CRTC1: variants seen among roughly 807,000 people sequenced by gnomAD.
The protein encoded by CRTC1 is CREB regulated transcription coactivator 1.
CRTC1 carries 18 observed loss-of-function variants against 66.1 expected under a neutral mutation model. The observed-to-expected ratio is 0.27, with a 90% CI of 0.19 to 0.40. The LOEUF (loss-of-function observed/expected upper bound fraction) is 0.40, where lower values mean the gene tolerates loss of function less well. Among genes scored for constraint, CRTC1 ranks in the 10% least tolerant of loss-of-function variants. CRTC1 has a pLI of 1.00. For missense variants in CRTC1, 669 were observed against 887.9 expected (o/e 0.75, Z 3.13); for synonymous variants, 416 against 398.8 (o/e 1.04, Z -0.51).
chr19:18,718,425 C>G (rs762925578), intron 1 of CRTC1, among the ~76,000 whole-genome samples: 2 of 152,142 alleles, frequency 1.3e-5, no homozygotes, highest in Non-Finnish European at 2.9e-5. Flanking sequence ...CAGCCTCCAC[C>G]TCTTGGGCTC....
chr19:18,749,307 C>T (rs1027358834), intron 4 of CRTC1, among the ~76,000 whole-genome samples: 4 of 152,184 alleles, frequency 2.6e-5, no homozygotes, highest in African/African-American at 9.7e-5. Flanking sequence ...CACTGAGCAT[C>T]CTAGAGGGCA....
At chr19:18,688,265 C>CA (rs1429754786) in intron 1 of CRTC1, among the ~76,000 whole-genome samples, 2 of 152,120 alleles carry the variant, frequency 1.3e-5, no homozygotes, top group African/African-American at 4.8e-5. Context: ...CCCCAGAGAG[C>CA]AGGGAAGAGC....
At chr19:18,732,525 C>G (rs570616969) in intron 1 of CRTC1, among the ~76,000 whole-genome samples, 1 of 152,362 alleles carries the variant, frequency 6.6e-6, no homozygotes, top group East Asian at 1.9e-4. Flanking sequence ...GGTATTTTAT[C>G]ATGGCAGCCT....
intron 6 of CRTC1, among the ~76,000 whole-genome samples, chr19:18,754,533 G>T (rs1256088210): frequency 6.6e-6 from 1 of 152,168 alleles, no homozygotes; most frequent in African/African-American, 2.4e-5. Context: ...AAAAATATTT[G>T]CTCCAATAAT....
In CRTC1 at chr19:18,725,924, T is replaced by C. The variant is rs187386900; in HGVS notation, c.127-16986T>C. Among the ~76,000 whole-genome samples, 714 of 152,288 alleles carry C rather than the reference T, an allele frequency of 4.7e-3. 5 individuals carry two copies. Among genetic ancestry groups the C allele is most frequent in the African/African-American group, 0.016 (672 of 41,562 alleles). ...CTGCTGCCCAGATCCCCTGGGGACA[T>C]CCCAGGGACGGGGGCCACCCAGCCT... On this transcript the variant is annotated intron_variant, in intron 1 of 13. Coordinates refer to ENST00000321949, the MANE Select transcript of CRTC1 (RefSeq NM_015321.3).
chr19:18,718,560 C>G (rs989350844), intron 1 of CRTC1, among the ~76,000 whole-genome samples: 2 of 150,116 alleles, frequency 1.3e-5, no homozygotes, highest in African/African-American at 4.9e-5. Context: ...CCAGGCTGCT[C>G]TCAAACTCCT....
chr19:18,771,281 G>T lies in CRTC1; in HGVS notation c.1321-161G>T, dbSNP rs1026897511. ...TCAGGTACCCACCTTTCCTGCAGGT[G>T]TCCAGGCTCCTCTGCCTACCAGTGG... On this transcript the variant is annotated intron_variant, in intron 10 of 13. Coordinates refer to ENST00000321949, the MANE Select transcript of CRTC1 (RefSeq NM_015321.3). The surrounding 1 kb of genome is among the most constrained non-coding windows in gnomAD (Gnocchi z 4.6). Among the ~76,000 whole-genome samples the T allele has an allele frequency of 2.0e-5, 3 of 152,108 alleles. No individual in the cohort carries two copies. The highest frequency in any genetic ancestry group is 1.3e-4 in the Admixed American group (2 of 15,272).
rs145806497 is a variant in CRTC1 at position 18,739,150 on chromosome 19, C to T, written c.127-3760C>T. 8.5e-4 allele frequency among the ~76,000 whole-genome samples: 130 copies of T among 152,362 alleles called. 1 individual carries two copies. Among genetic ancestry groups the T allele is most frequent in the African/African-American group, 2.8e-3 (117 of 41,584 alleles). On this transcript the variant is annotated intron_variant, in intron 1 of 13. Coordinates refer to ENST00000321949, the MANE Select transcript of CRTC1 (RefSeq NM_015321.3). ...GAGCTGCAGTTTTCCCGACTCCTACCGGACGCCTTCTCCAGGCCTCAGCTG... is the reference window on the plus strand; with the variant it reads ...GAGCTGCAGTTTTCCCGACTCCTACTGGACGCCTTCTCCAGGCCTCAGCTG...
intron 1 of CRTC1, among the ~76,000 whole-genome samples, chr19:18,733,306 A>G (rs1489289435): frequency 6.6e-6 from 1 of 151,944 alleles, no homozygotes; most frequent in East Asian, 1.9e-4. Context: ...GTGGGGAGGG[A>G]GGCCCCTGTG....
In CRTC1 at chr19:18,777,792, CTGTT is replaced by C. The variant is rs769040683; in HGVS notation, c.*414_*417del. The C allele has an allele frequency of 9.6e-5, 30 of 312,168 alleles. No individual in the cohort carries two copies. Among genetic ancestry groups the C allele is most frequent in the Admixed American group, 1.6e-4 (3 of 18,532 alleles). The allele number at this position is 312,168 out of a possible 1,614,324, so 19.3% of individuals were successfully genotyped here. A position where few individuals can be genotyped will look rare whatever the true frequency, so the allele number is the denominator to read the frequency against. On this transcript the variant is annotated 3_prime_UTR_variant, in exon 14 of 14. Transcript: ENST00000321949. This position sits in a 1 kb window ranked among gnomAD's most constrained non-coding sequence, Gnocchi z 5.5. Reference sequence around the variant, plus strand: ...CTGTGGGCCGTGGCGCATTTTCCGACTGTTTGTCCAGCTCTCACTGCCTTCCTTG... The same window carrying C: ...CTGTGGGCCGTGGCGCATTTTCCGACTGTCCAGCTCTCACTGCCTTCCTTG...
At chr19:18,755,709 T>A (rs994577632) in intron 6 of CRTC1, among the ~76,000 whole-genome samples, 3 of 151,386 alleles carry the variant, frequency 2.0e-5, no homozygotes, top group African/African-American at 7.3e-5. Context: ...TTCAAGTGAT[T>A]CTTCTGCCTC....
In CRTC1 at chr19:18,781,877, G is replaced by A. The variant is rs556626479; in HGVS notation, c.*4495G>A. On this transcript the variant is annotated 3_prime_UTR_variant, in exon 14 of 14. Transcript: ENST00000321949. ...GGGGTCGGGGGATGGCCCCCATCTC[G>A]AAGTGTTCTGGAATTTGGGGGCAAC... 8 of 230,526 alleles carry A rather than the reference G, an allele frequency of 3.5e-5. No homozygotes were observed. Among genetic ancestry groups the A allele is most frequent in the Non-Finnish European group, 6.0e-5 (7 of 116,408 alleles). The allele number at this position is 230,526 out of a possible 1,614,324, so 14.3% of individuals were successfully genotyped here.
chr19:18,754,527 AT>A (rs1555785765), intron 6 of CRTC1, among the ~76,000 whole-genome samples: 1 of 152,206 alleles, frequency 6.6e-6, no homozygotes, highest in Non-Finnish European at 1.5e-5. Context: ...GGAAAAAAAA[AT>A]ATTTGCTCCA....
At position 18,760,202 on chromosome 19, in the gene CRTC1, A is replaced by G. The variant is rs1471566700; in HGVS notation, c.860A>G (p.His287Arg). The change falls in exon 8 of 14, where the codon CAC becomes CGC. Residue 287 changes from histidine to arginine, a missense_variant. His to Arg is a conservative substitution (Grantham distance 29, BLOSUM62 0). Around this residue, in one of 8 missense-constraint regions of CRTC1, gnomAD observed 241 missense variants for 242.2 expected, o/e 0.99. Coordinates refer to ENST00000321949, the MANE Select transcript of CRTC1 (RefSeq NM_015321.3). The surrounding 1 kb of genome is among the most constrained non-coding windows in gnomAD (Gnocchi z 6.2). Reference sequence around the variant, plus strand: ...GGCAACCTCGCGGCCAACCTGACGCACCTGGGCATCGGTGGCGCCGGCCAG... The same window carrying G: ...GGCAACCTCGCGGCCAACCTGACGCGCCTGGGCATCGGTGGCGCCGGCCAG... ...STGNLAANLT[H>R]LGIGGAGQGM... 5 of 1,611,200 alleles carry G rather than the reference A, an allele frequency of 3.1e-6. No individual in the cohort carries two copies. The highest frequency in any genetic ancestry group is 4.2e-6 in the Non-Finnish European group (5 of 1,178,952).
At position 18,771,850 on chromosome 19, in the gene CRTC1, G is replaced by A. The variant is rs145571820; in HGVS notation, c.1425+304G>A. On this transcript the variant is annotated intron_variant, in intron 11 of 13. Coordinates refer to ENST00000321949, the MANE Select transcript of CRTC1 (RefSeq NM_015321.3). This position sits in a 1 kb window ranked among gnomAD's most constrained non-coding sequence, Gnocchi z 4.6. ...CTGGATGTCCTCATTGAGTGGCCCA[G>A]GGACAATGCCCTCCACACCCAGTGT... 3.3e-5 allele frequency among the ~76,000 whole-genome samples: 5 copies of A among 152,302 alleles called. No individual in the cohort carries two copies. Among genetic ancestry groups the A allele is most frequent in the African/African-American group, 1.2e-4 (5 of 41,564 alleles).
chr19:18,715,985 G>A (rs918601446), intron 1 of CRTC1, among the ~76,000 whole-genome samples: 4 of 152,182 alleles, frequency 2.6e-5, no homozygotes, highest in Non-Finnish European at 4.4e-5. Flanking sequence ...TTATGTGCTG[G>A]CAGCGGTTGG....
intron 1 of CRTC1, among the ~76,000 whole-genome samples, chr19:18,740,462 C>T (rs1359475647): frequency 6.6e-6 from 1 of 152,158 alleles, no homozygotes; most frequent in Non-Finnish European, 1.5e-5. Flanking sequence ...TCATGGCCAA[C>T]CTGTCTCTAG....
At position 18,781,685 on chromosome 19, in the gene CRTC1, T is replaced by C. The variant is rs1294260922; in HGVS notation, c.*4303T>C. On this transcript the variant is annotated 3_prime_UTR_variant, in exon 14 of 14. Coordinates refer to ENST00000321949, the MANE Select transcript of CRTC1 (RefSeq NM_015321.3). ...AGCCTCAGTTTCTCTCTTGTCACTT[T>C]CTCAAACCTGCAGGTCTCAGGGCCC... 8.7e-6 allele frequency: 2 copies of C among 230,722 alleles called. No homozygotes were observed. Among genetic ancestry groups the C allele is most frequent in the Non-Finnish European group, 1.7e-5 (2 of 116,606 alleles). The allele number at this position is 230,722 out of a possible 1,614,324, so 14.3% of individuals were successfully genotyped here.
chr19:18,753,828 G>A (rs1281626593), intron 6 of CRTC1, among the ~76,000 whole-genome samples: 2 of 152,060 alleles, frequency 1.3e-5, no homozygotes, highest in East Asian at 3.9e-4. Context: ...GGCTGGGTGC[G>A]GTGGCTCACA....
Sources: gnomAD v4.1 joint callset for allele counts (sites outside exome capture counted in the v4.1 genomes callset) on GRCh38, gnomAD v4.1.1 for gene constraint, gnomAD v4.1.1 regional missense constraint, Gnocchi (gnomAD v3.1) non-coding constraint, MANE v1.5 for transcripts, NCBI Gene and HGNC (gene_info 2026-07-23, HGNC 2026-07-21) for gene names.